CCDC141: variants seen among roughly 807,000 people sequenced by gnomAD.
The protein encoded by CCDC141 is coiled-coil domain-containing protein 141.
In CCDC141, 168 loss-of-function variants were observed where a neutral mutation model predicts 181.0. The observed-to-expected ratio is 0.93, with a 90% CI of 0.82 to 1.05. The LOEUF is 1.05. CCDC141 is among the 50% of genes least tolerant of loss of function. The pLI, the probability that CCDC141 is intolerant of heterozygous loss-of-function variation, is 0.00. For missense variants in CCDC141, 1,902 were observed against 1,788.5 expected, an observed-to-expected ratio of 1.06 and a Z score of -1.14; for synonymous variants, 666 against 642.3, an observed-to-expected ratio of 1.04 and a Z score of -0.56.
chr2:178,871,492 C>A lies in CCDC141; in HGVS notation c.2140G>T (p.Gly714Ter). Residue 714 changes from glycine to a stop codon, truncating the protein, a stop_gained, in exon 14 of 24, where the codon GGA (glycine) becomes TGA (stop). Transcript: ENST00000443758. LOFTEE classifies it high-confidence loss of function. ...ALMPVSALDL[G>*]GSLQFILDLR... ...TCTAAAATGAACTGGAGGCTCCCTC[C>A]GAGGTCAAGTGCAGACACAGGCATA... 2 of 1,613,936 alleles carry A rather than the reference C, an allele frequency of 1.2e-6. No homozygotes were observed. The highest frequency in any genetic ancestry group is 1.7e-6 in the Non-Finnish European group (2 of 1,179,908).
downstream of CCDC141, chr2:178,825,211 G>A (rs1015801581): frequency 2.0e-5 from 3 of 152,152 alleles, no homozygotes; most frequent in Admixed American, 1.3e-4. Context: ...TTTTAAAGGT[G>A]TAATACAGTG....
At chr2:178,874,404 T>C (rs1428706051) in intron 12 of CCDC141, 1 of 152,170 alleles carries the variant, frequency 6.6e-6, no homozygotes, top group Non-Finnish European at 1.5e-5. Flanking sequence ...TTCTGGGAGA[T>C]CTAAGTGGGC....
intron 22 of CCDC141, among the ~76,000 whole-genome samples, chr2:178,839,607 A>AAAAAGT (rs1561624006): frequency 7.1e-6 from 1 of 140,030 alleles, no homozygotes; most frequent in Non-Finnish European, 1.6e-5. Context: ...AAAAAAAAAA[A>AAAAAGT]TGTGTTTTCA....
At chr2:178,990,150 AAAAG>A (rs869137281) in intron 2 of CCDC141, among the ~76,000 whole-genome samples, 22 of 151,818 alleles carry the variant, frequency 1.4e-4, no homozygotes, top group African/African-American at 4.1e-4. Context: ...AAAAAAAAAA[AAAAG>A]AAAGAAAGAA....
intron 8 of CCDC141, among the ~76,000 whole-genome samples, chr2:178,891,883 G>A (rs1687169583): frequency 1.3e-5 from 2 of 151,708 alleles, no homozygotes; most frequent in Admixed American, 1.3e-4. Context: ...TAAATTCTTT[G>A]AGGGAAATAA....
At position 178,829,909 on chromosome 2, in the gene CCDC141, T is replaced by C. The variant is rs1292579145; in HGVS notation, c.*4264A>G. On this transcript the variant is annotated 3_prime_UTR_variant, in exon 24 of 24. Coordinates refer to ENST00000443758, the MANE Select transcript of CCDC141 (RefSeq NM_173648.4). The stretch of plus-strand genomic sequence containing the variant: ...AAGACAAACATAAAGCAGAACAAAA[T>C]AAGATATTCTTTCCTTTCTTCATTT... The C allele has an allele frequency of 6.6e-6, 1 of 152,214 alleles. No individual in the cohort carries two copies. Among genetic ancestry groups the C allele is most frequent in the Non-Finnish European group, 1.5e-5 (1 of 68,028 alleles). 9.4% of individuals were successfully genotyped at this position (152,214 alleles called of 1,614,324 possible).
chr2:178,970,171 A>C (rs1209927151), intron 4 of CCDC141, among the ~76,000 whole-genome samples: 1 of 152,240 alleles, frequency 6.6e-6, no homozygotes, highest in Non-Finnish European at 1.5e-5. Context: ...AGGAAGAATC[A>C]ATATTGTGAA....
the CCDC141 span, among the ~76,000 whole-genome samples, chr2:178,820,628 CT>C: frequency 2.0e-5 from 3 of 151,954 alleles, no homozygotes; most frequent in Non-Finnish European, 2.9e-5. Context: ...AGAATGAGAT[CT>C]AAAGTTTTCA....
chr2:178,871,653 C>A, intron 13 of CCDC141, 101 bp from the exon 14 acceptor site: 1 of 1,365,138 alleles, frequency 7.3e-7, no homozygotes, highest in Non-Finnish European at 1.0e-6. Context: ...ATTTTTCAAA[C>A]CCCATGAAAA....
rs540210361 is a variant in CCDC141, at chr2:178,831,876, C to G, written c.*2297G>C. 4.6e-5 allele frequency: 7 copies of G among 151,382 alleles called. No homozygotes were observed. The East Asian group carries it at 1.2e-3, about 25-fold the overall frequency. 9.4% of individuals were successfully genotyped at this position (151,382 alleles called of 1,614,324 possible). ...CTCCCCCACCCCCACCTTTCTCTTT[C>G]TCTCTCTCTCTAAAAATGGATTTTG... On this transcript the variant is annotated 3_prime_UTR_variant, in exon 24 of 24. Transcript: ENST00000443758.
rs1053421122 is a variant in CCDC141, at chr2:178,832,909, T to C, written c.*1264A>G. The C allele has an allele frequency of 1.3e-5, 2 of 152,130 alleles. No individual in the cohort carries two copies. Among genetic ancestry groups the C allele is most frequent in the African/African-American group, 4.8e-5 (2 of 41,438 alleles). 9.4% of individuals were successfully genotyped at this position (152,130 alleles called of 1,614,324 possible). A position where few individuals can be genotyped will look rare whatever the true frequency, so the allele number is the denominator to read the frequency against. On this transcript the variant is annotated 3_prime_UTR_variant, in exon 24 of 24. Coordinates refer to ENST00000443758, the MANE Select transcript of CCDC141 (RefSeq NM_173648.4). ...AAGCCAAAAAATGATCTTTTCTGAA[T>C]AAAGTGTTTCAGAAAGGCATAGAAT...
chr2:178,884,554 T>G (rs773034239), intron 11 of CCDC141, among the ~76,000 whole-genome samples: 30 of 152,202 alleles, frequency 2.0e-4, no homozygotes, highest in Non-Finnish European at 3.7e-4. Context: ...TGTAACCAGC[T>G]GCCTCACTGC....
At chr2:178,891,730 A>T (rs867650340) in intron 8 of CCDC141, among the ~76,000 whole-genome samples, 1 of 150,968 alleles carries the variant, frequency 6.6e-6, no homozygotes, top group African/African-American at 2.4e-5. Flanking sequence ...CTTTTTAGCA[A>T]CCTGCAATTT....
At chr2:178,907,777 T>TGA in intron 7 of CCDC141, among the ~76,000 whole-genome samples, 1 of 152,168 alleles carries the variant, frequency 6.6e-6, no homozygotes, top group Admixed American at 6.5e-5. Flanking sequence ...GTGGATCACT[T>TGA]GAGGTCAGGA....
chr2:179,040,667 G>T (rs779062820), intron 2 of CCDC141, among the ~76,000 whole-genome samples: 1 of 152,120 alleles, frequency 6.6e-6, no homozygotes, highest in Non-Finnish European at 1.5e-5. Context: ...AGTTTGCTAA[G>T]GACAATGGAC....
chr2:179,010,092 C>T (rs1186594466), intron 2 of CCDC141, among the ~76,000 whole-genome samples: 1 of 151,896 alleles, frequency 6.6e-6, no homozygotes, highest in African/African-American at 2.4e-5. Context: ...CCCAATCCAA[C>T]AAAGACAAAG....
At chr2:179,046,339 A>G (rs2043496606) in intron 2 of CCDC141, among the ~76,000 whole-genome samples, 1 of 152,230 alleles carries the variant, frequency 6.6e-6, no homozygotes, top group Admixed American at 6.5e-5. Flanking sequence ...TGTGTTTTGT[A>G]AATTAAGTCC....
At chr2:179,049,795 CT>C in intron 1 of CCDC141, 44 bp downstream of exon 1, 1 of 1,548,392 alleles carries the variant, frequency 6.5e-7, no homozygotes, top group South Asian at 1.2e-5. Context: ...CAACACACAG[CT>C]AGAAGCCCAC....
intron 2 of CCDC141, among the ~76,000 whole-genome samples, chr2:179,032,997 A>T (rs1575371854): frequency 6.9e-6 from 1 of 145,564 alleles, no homozygotes; most frequent in South Asian, 2.1e-4. Flanking sequence ...TCAGAATATT[A>T]TATATATATA....
Sources: gnomAD v4.1 joint callset for allele counts (sites outside exome capture counted in the v4.1 genomes callset) on GRCh38, gnomAD v4.1.1 for gene constraint, MANE v1.5 for transcripts, NCBI Gene and HGNC (gene_info 2026-07-23, HGNC 2026-07-21) for gene names.